KIAA0513: variants seen among roughly 807,000 people sequenced by gnomAD.
KIAA0513 encodes the protein KIAA0513, also known as uncharacterized protein KIAA0513.
In KIAA0513, 39 loss-of-function variants were observed where a neutral mutation model predicts 56.5. The ratio of observed to expected loss-of-function variants is 0.69; its 90% CI spans 0.53 to 0.90. KIAA0513 has a LOEUF of 0.90. KIAA0513 is among the 40% of genes least tolerant of loss of function. The pLI is 0.00. For missense variants in KIAA0513, 591 were observed against 535.2 expected (o/e 1.10, Z -1.03); for synonymous variants, 268 against 215.6 (o/e 1.24, Z -2.13).
Position 85,077,419 on chromosome 16 carries a change from T to C in KIAA0513, c.575-6T>C. 1 of 1,613,524 alleles carries C rather than the reference T, an allele frequency of 6.2e-7. No individual in the cohort carries two copies. Among genetic ancestry groups the C allele is most frequent in the East Asian group, 2.2e-5 (1 of 44,844 alleles). ...TGGCCTCGTCTTGTTCCCTCTCTCA[T>C]CCAAGGAAAACCACAGCTGCTGCCC... On this transcript the variant is annotated splice_polypyrimidine_tract_variant and splice_region_variant and intron_variant, in intron 5 of 12. Transcript: ENST00000683363.
At chr16:85,042,745 A>G (rs1412183116) in intron 1 of KIAA0513, among the ~76,000 whole-genome samples, 1 of 152,248 alleles carries the variant, frequency 6.6e-6, no homozygotes, top group Non-Finnish European at 1.5e-5. Flanking sequence ...AGTCCAGACC[A>G]GCATGGCTCC....
intron 1 of KIAA0513, among the ~76,000 whole-genome samples, chr16:85,050,416 C>G (rs945012644): frequency 1.8e-4 from 27 of 151,186 alleles, no homozygotes; most frequent in African/African-American, 6.4e-4. Context: ...GTGGCGCAAT[C>G]TCGGCTCACT....
At chr16:85,054,385 A>G (rs767697373) in intron 1 of KIAA0513, among the ~76,000 whole-genome samples, 1 of 149,386 alleles carries the variant, frequency 6.7e-6, no homozygotes, top group African/African-American at 2.5e-5. Flanking sequence ...TCTCAGTGCC[A>G]TTGAAATCTG....
At chr16:85,059,088 T>A (rs1044339553) in intron 1 of KIAA0513, among the ~76,000 whole-genome samples, 1 of 152,226 alleles carries the variant, frequency 6.6e-6, no homozygotes. Context: ...AAATTTCCTG[T>A]GACTTGACAT....
chr16:85,067,463 C>T (rs762737964), intron 2 of KIAA0513, 63 bp downstream of exon 2: 11 of 1,312,822 alleles, frequency 8.4e-6, no homozygotes, highest in South Asian at 8.4e-5. Flanking sequence ...GACTCGCCTC[C>T]TGCTCTCGGC....
Position 85,088,581 on chromosome 16 carries a change from G to A in KIAA0513, c.*256G>A, listed in dbSNP as rs1039091281. The A allele has an allele frequency of 7.9e-6, 4 of 504,366 alleles. No individual in the cohort carries two copies. Among genetic ancestry groups the A allele is most frequent in the Non-Finnish European group, 1.4e-5 (4 of 279,464 alleles). 31.2% of individuals were successfully genotyped at this position (504,366 alleles called of 1,614,324 possible). A position where few individuals can be genotyped will look rare whatever the true frequency, so the allele number is the denominator to read the frequency against. ...AAGCCGAGGTGACCAGTTGTACCCCGAGTGCCAGGCTTGTGAGATGAGACC... is the reference window on the plus strand; with the variant it reads ...AAGCCGAGGTGACCAGTTGTACCCCAAGTGCCAGGCTTGTGAGATGAGACC... On this transcript the variant is annotated 3_prime_UTR_variant, in exon 13 of 13. Coordinates refer to ENST00000683363, the MANE Select transcript of KIAA0513 (RefSeq NM_001388359.1).
chr16:85,037,943 C>T (rs2073056350), intron 1 of KIAA0513, among the ~76,000 whole-genome samples: 1 of 152,194 alleles, frequency 6.6e-6, no homozygotes, highest in African/African-American at 2.4e-5. Context: ...TTCTTGCTAG[C>T]ATGCCAGTCC....
At chr16:85,078,532 C>CT in intron 7 of KIAA0513, 77 bp downstream of exon 7, 1 of 1,422,276 alleles carries the variant, frequency 7.0e-7, no homozygotes, top group Non-Finnish European at 9.8e-7. Flanking sequence ...TGCACGGCCT[C>CT]TGGGGCTTTC....
intron 10 of KIAA0513, among the ~76,000 whole-genome samples, chr16:85,084,429 CT>C (rs34048494): frequency 0.38 from 20,283 of 53,778 alleles, 2,400 homozygotes; most frequent in Middle Eastern, 0.5. Context: ...TTTTCGTTCT[CT>C]TTTTTTTTTT....
At chr16:85,077,136 A>G (rs1333847697) in intron 5 of KIAA0513, among the ~76,000 whole-genome samples, 1 of 151,850 alleles carries the variant, frequency 6.6e-6, no homozygotes, top group Admixed American at 6.6e-5. Flanking sequence ...CTGCCTGCAG[A>G]CCCTGCCACT....
chr16:85,085,894 C>T (rs1257351394), intron 10 of KIAA0513, among the ~76,000 whole-genome samples: 1 of 152,244 alleles, frequency 6.6e-6, no homozygotes, highest in African/African-American at 2.4e-5. Context: ...ACTTTGTTCT[C>T]ACGCCTGGGT....
intron 2 of KIAA0513, among the ~76,000 whole-genome samples, chr16:85,067,762 C>G (rs2073509638): frequency 6.6e-6 from 1 of 152,190 alleles, no homozygotes; most frequent in African/African-American, 2.4e-5. Context: ...TCCCCATCAT[C>G]CCCGTGAGCT....
At chr16:85,074,779 C>A (rs1180684629) in intron 4 of KIAA0513, among the ~76,000 whole-genome samples, 2 of 151,942 alleles carry the variant, frequency 1.3e-5, no homozygotes, top group Non-Finnish European at 2.9e-5. Context: ...TTCTCTCATG[C>A]AATTAAGATA....
chr16:85,030,087 C>T (rs1021459172), intron 1 of KIAA0513, among the ~76,000 whole-genome samples: 2 of 152,212 alleles, frequency 1.3e-5, no homozygotes, highest in Non-Finnish European at 2.9e-5. Flanking sequence ...ACATCCTTCT[C>T]TTCCACCACC....
chr16:85,064,563 TTAGA>T (rs2073451710), intron 1 of KIAA0513, among the ~76,000 whole-genome samples: 1 of 152,256 alleles, frequency 6.6e-6, no homozygotes, highest in African/African-American at 2.4e-5. Context: ...TTACCAGTAT[TTAGA>T]TAGTTTTTAA....
Position 85,088,250 on chromosome 16 carries a change from A to C in KIAA0513, c.1187-26A>C, listed in dbSNP as rs74031904. ...TGTCCCTGTCACTGTCTTTCATCTG[A>C]GAAATAACATCACTTTCTCTTCCAG... On this transcript the variant is annotated intron_variant, in intron 12 of 12. Transcript: ENST00000683363. 416 of 1,609,584 alleles carry C rather than the reference A, an allele frequency of 2.6e-4. 1 individual carries two copies. In the African/African-American group the frequency reaches 4.9e-3, roughly 19 times the overall value.
chr16:85,048,841 G>C (rs543590894), intron 1 of KIAA0513, among the ~76,000 whole-genome samples: 1 of 152,324 alleles, frequency 6.6e-6, no homozygotes, highest in South Asian at 2.1e-4. Context: ...ATGACCTGTA[G>C]AAAACAGTAG....
intron 1 of KIAA0513, among the ~76,000 whole-genome samples, chr16:85,055,146 C>G (rs1055222868): frequency 1.3e-5 from 2 of 151,998 alleles, no homozygotes; most frequent in Non-Finnish European, 2.9e-5. Flanking sequence ...TGGTCTCAAA[C>G]TCCTGGACTG....
chr16:85,033,542 G>A (rs575715848), intron 1 of KIAA0513, among the ~76,000 whole-genome samples: 19 of 152,234 alleles, frequency 1.2e-4, no homozygotes, highest in East Asian at 5.8e-4. Flanking sequence ...GCCTCCTCCC[G>A]TGTGTAATTT....
Sources: gnomAD v4.1 joint callset for allele counts (sites outside exome capture counted in the v4.1 genomes callset) on GRCh38, gnomAD v4.1.1 for gene constraint, MANE v1.5 for transcripts, NCBI Gene and HGNC (gene_info 2026-07-23, HGNC 2026-07-21) for gene names.